The following ERCC8 variants were observed in gnomAD, a reference collection of about 807,000 sequenced individuals.
ERCC8 encodes DNA excision repair protein ERCC-8.
A neutral mutation model predicts 54.9 loss-of-function variants in ERCC8; 52 were observed. The ratio of observed to expected loss-of-function variants is 0.95; its 90% CI spans 0.76 to 1.19. The LOEUF is 1.19. Ranked by LOEUF, ERCC8 falls within the 50% of genes most tolerant of loss-of-function variation. The pLI, the probability that ERCC8 is intolerant of heterozygous loss-of-function variation, is 0.00. For synonymous variants in ERCC8, 146 were observed against 157.2 expected (o/e 0.93, Z 0.53); for missense variants, 514 against 466.1 (o/e 1.10, Z -0.95).
chr5:60,929,552 A>AAC lies in ERCC8; in HGVS notation c.78-594_78-593insGT, dbSNP rs1749848892. ...CAGTGAGCCATAATCACTTCATTGCACTCCAGCCTGGGTGACAGAGTGAGA... is the reference window on the plus strand; with the variant it reads ...CAGTGAGCCATAATCACTTCATTGCAACCTCCAGCCTGGGTGACAGAGTGAGA... On this transcript the variant is annotated intron_variant, in intron 1 of 11. Transcript: ENST00000676185. 2.6e-5 allele frequency among the ~76,000 whole-genome samples: 4 copies of AAC among 152,150 alleles called. No individual in the cohort carries two copies. In the South Asian group the frequency reaches 8.3e-4, roughly 31 times the overall value.
chr5:60,884,535 T>TTG (rs1748341294), intron 11 of ERCC8, among the ~76,000 whole-genome samples: 1 of 149,822 alleles, frequency 6.7e-6, no homozygotes, highest in Non-Finnish European at 1.5e-5. Flanking sequence ...TTTTTTTTTT[T>TTG]TTGTTTTCTA....
chr5:60,902,336 G>A (rs571540096), intron 7 of ERCC8, 106 bp downstream of exon 7: 3 of 826,168 alleles, frequency 3.6e-6, no homozygotes, highest in African/African-American at 3.5e-5. Flanking sequence ...TTAAAGGAGT[G>A]AATTAATAAT....
chr5:60,937,797 T>G (rs1406386833), intron 1 of ERCC8, among the ~76,000 whole-genome samples: 1 of 152,006 alleles, frequency 6.6e-6, no homozygotes, highest in East Asian at 1.9e-4. Context: ...CTTCAAAGGG[T>G]CTGTGGATCC....
At chr5:60,877,680 A>G (rs930223244) in intron 11 of ERCC8, among the ~76,000 whole-genome samples, 2 of 152,040 alleles carry the variant, frequency 1.3e-5, no homozygotes, top group East Asian at 1.9e-4. Context: ...TTTGTCTGTT[A>G]TTGGTGTATA....
chr5:60,921,121 T>G (rs1580027747), intron 3 of ERCC8, among the ~76,000 whole-genome samples: 2 of 151,916 alleles, frequency 1.3e-5, no homozygotes, highest in South Asian at 2.1e-4. Context: ...TAGAAACGTA[T>G]AAGAACCACA....
chr5:60,912,159 T>C (rs1749286664), intron 4 of ERCC8, among the ~76,000 whole-genome samples: 1 of 152,134 alleles, frequency 6.6e-6, no homozygotes, highest in African/African-American at 2.4e-5. Context: ...GGGGATGGTA[T>C]TCAATCTATA....
chr5:60,926,100 C>T (rs1749741169), intron 2 of ERCC8, among the ~76,000 whole-genome samples: 1 of 152,182 alleles, frequency 6.6e-6, no homozygotes, highest in Non-Finnish European at 1.5e-5. Context: ...GCTAGGATTA[C>T]AGGTGTGAGC....
chr5:60,885,691 A>G (rs890325946), intron 11 of ERCC8, among the ~76,000 whole-genome samples: 3 of 152,158 alleles, frequency 2.0e-5, no homozygotes, highest in Admixed American at 2.0e-4. Flanking sequence ...CTACTTAAAG[A>G]TTTATCAAAA....
rs1287951930 is a variant in ERCC8 at position 60,874,584 on chromosome 5, A to G, written c.*31T>C. On this transcript the variant is annotated 3_prime_UTR_variant, in exon 12 of 12. Coordinates refer to ENST00000676185, the MANE Select transcript of ERCC8 (RefSeq NM_000082.4). ...AACACAGTCTCATTTAAAAAGTTTC[A>G]GCAGAGACAAAAAGGTACTAAAGAT... 1.2e-6 allele frequency: 2 copies of G among 1,602,274 alleles called. No individual in the cohort carries two copies. Among genetic ancestry groups the G allele is most frequent in the Non-Finnish European group, 1.7e-6 (2 of 1,170,236 alleles).
At chr5:60,897,157 C>T (rs897310721) in intron 9 of ERCC8, among the ~76,000 whole-genome samples, 3 of 152,162 alleles carry the variant, frequency 2.0e-5, no homozygotes, top group African/African-American at 7.2e-5. Context: ...TATCCCCCAG[C>T]AAACAACTGA....
intron 1 of ERCC8, among the ~76,000 whole-genome samples, chr5:60,941,944 A>C (rs158936): frequency 6.6e-5 from 10 of 152,008 alleles, no homozygotes; most frequent in African/African-American, 2.4e-4. Context: ...ATGTATGTAA[A>C]TATAAAATAT....
chr5:60,937,916 T>C (rs533119527), intron 1 of ERCC8, among the ~76,000 whole-genome samples: 1 of 152,076 alleles, frequency 6.6e-6, no homozygotes, highest in East Asian at 1.9e-4. Flanking sequence ...AAGTTAGTCC[T>C]GCCTCCTATA....
At chr5:60,911,045 A>C (rs1749243238) in intron 4 of ERCC8, among the ~76,000 whole-genome samples, 1 of 152,138 alleles carries the variant, frequency 6.6e-6, no homozygotes, top group African/African-American at 2.4e-5. Flanking sequence ...TATGCAGAGA[A>C]TTTTATTTTT....
intron 11 of ERCC8, among the ~76,000 whole-genome samples, chr5:60,875,257 A>G (rs986421629): frequency 1.3e-5 from 2 of 152,254 alleles, no homozygotes; most frequent in Non-Finnish European, 2.9e-5. Flanking sequence ...AAGCAGTGAT[A>G]TTTAATTACT....
chr5:60,874,742 AG>A, intron 11 of ERCC8, 59 bp from the exon 12 acceptor site: 1 of 1,407,216 alleles, frequency 7.1e-7, no homozygotes, highest in African/African-American at 1.4e-5. Flanking sequence ...TCATAATTTT[AG>A]GCTCACAATA....
intron 3 of ERCC8, chr5:60,918,755 C>A (rs1749514447): frequency 9.4e-6 from 3 of 317,588 alleles, no homozygotes; most frequent in South Asian, 5.9e-5. Flanking sequence ...TTTCCAAAGT[C>A]TCATTCTATT....
chr5:60,893,527 GC>G (rs1748630531), intron 9 of ERCC8: 2 of 768,882 alleles, frequency 2.6e-6, no homozygotes, highest in East Asian at 4.9e-5. Flanking sequence ...GCTTCTTACA[GC>G]CCTTGGAAAC....
intron 7 of ERCC8, 97 bp downstream of exon 7, chr5:60,902,345 A>C: frequency 2.2e-6 from 2 of 910,962 alleles, no homozygotes; most frequent in Non-Finnish European, 3.4e-6. Context: ...TGAATTAATA[A>C]TTAAATATGC....
intron 1 of ERCC8, among the ~76,000 whole-genome samples, chr5:60,943,132 G>A (rs912118105): frequency 2.0e-5 from 3 of 152,150 alleles, no homozygotes; most frequent in South Asian, 2.1e-4. Flanking sequence ...TTAGCTAGGT[G>A]TGTGGGCACA....
Sources: allele counts gnomAD v4.1 joint callset (sites outside exome capture counted in the v4.1 genomes callset), GRCh38; gene constraint gnomAD v4.1.1; transcripts MANE v1.5; gene names NCBI Gene and HGNC (gene_info 2026-07-23, HGNC 2026-07-21).